The following PRKCH variants were observed in gnomAD, a reference collection of about 807,000 sequenced individuals.
The protein encoded by PRKCH is protein kinase C eta, also known as protein kinase C eta type.
In PRKCH, 28 loss-of-function variants were observed where a neutral mutation model predicts 82.5. That is an observed-to-expected ratio of 0.34 (90% CI 0.25 to 0.47). The LOEUF is 0.47. Ranked by LOEUF, PRKCH falls within the 20% of genes least tolerant of loss-of-function variation. PRKCH has a pLI of 1.00. For missense variants in PRKCH, 705 were observed against 881.8 expected, an observed-to-expected ratio of 0.80 and a Z score of 2.54; for synonymous variants, 322 against 327.4, an observed-to-expected ratio of 0.98 and a Z score of 0.18.
At chr14:61,312,239 T>C (rs548454778) in intron 1 of PRKCH, among the ~76,000 whole-genome samples, 1 of 152,354 alleles carries the variant, frequency 6.6e-6, no homozygotes, top group East Asian at 1.9e-4. Context: ...TCAAAACAAA[T>C]GATTCTTGTG....
intron 1 of PRKCH, among the ~76,000 whole-genome samples, chr14:61,267,921 C>T (rs1260036248): frequency 5.9e-5 from 9 of 151,964 alleles, no homozygotes; most frequent in Admixed American, 2.0e-4. Flanking sequence ...TAAAAGGGTG[C>T]TTTTATATTT....
chr14:61,356,211 G>A (rs369719329), intron 1 of PRKCH, among the ~76,000 whole-genome samples: 1 of 152,180 alleles, frequency 6.6e-6, no homozygotes, highest in Non-Finnish European at 1.5e-5. Context: ...CTGCCTGGTC[G>A]AGTGCAGTGG....
chr14:61,372,203 C>T (rs895624128), intron 1 of PRKCH, among the ~76,000 whole-genome samples: 2 of 152,000 alleles, frequency 1.3e-5, no homozygotes, highest in Admixed American at 1.3e-4. Flanking sequence ...ACCCTGGTTC[C>T]TTTTGTTGGA....
At chr14:61,526,749 G>A (rs1480315311) in intron 10 of PRKCH, among the ~76,000 whole-genome samples, 2 of 152,226 alleles carry the variant, frequency 1.3e-5, no homozygotes, top group East Asian at 3.8e-4. Context: ...ACTCCAGAAA[G>A]AGCAGTCAGC....
intron 2 of PRKCH, among the ~76,000 whole-genome samples, chr14:61,407,762 T>G (rs761670821): frequency 6.6e-6 from 1 of 152,264 alleles, no homozygotes; most frequent in Non-Finnish European, 1.5e-5. Context: ...TTGTCTGATA[T>G]GCAGAATATT....
At chr14:61,447,717 A>C (rs963721293) in intron 4 of PRKCH, among the ~76,000 whole-genome samples, 4 of 152,248 alleles carry the variant, frequency 2.6e-5, no homozygotes, top group African/African-American at 9.6e-5. Context: ...AAGACTCAAG[A>C]GAACATAAAA....
chr14:61,453,268 C>T lies in PRKCH; in HGVS notation c.875C>T (p.Ala292Val). 2 of 1,614,178 alleles carry T rather than the reference C, an allele frequency of 1.2e-6. No homozygotes were observed. The highest frequency in any genetic ancestry group is 1.7e-6 in the Non-Finnish European group (2 of 1,180,026). ...CATATTCGATGTCAAGCGAACGTGG[C>T]CCCTAACTGTGGGGTAAATGCGGTG... Reference protein sequence around the residue: ...NVHIRCQANVAPNCGVNAVEL... With the variant: ...NVHIRCQANVVPNCGVNAVEL... Residue 292 changes from alanine to valine, a missense_variant, in exon 7 of 14, where the codon GCC (alanine) becomes GTC (valine). Ala to Val is a moderately conservative substitution (Grantham distance 64). This residue lies in a region of PRKCH where 238 missense variants were observed against 258.1 expected (regional missense o/e 0.92). Transcript: ENST00000332981.
At chr14:61,367,737 A>C (rs1338935839) in intron 1 of PRKCH, among the ~76,000 whole-genome samples, 1 of 140,120 alleles carries the variant, frequency 7.1e-6, no homozygotes, top group Non-Finnish European at 1.5e-5. Flanking sequence ...TTTTTTTTTA[A>C]ACAGTCTCGC....
Position 61,395,916 on chromosome 14 carries a change from CA to C in PRKCH, c.427+4634del, listed in dbSNP as rs556670855. Among the ~76,000 whole-genome samples the C allele has an allele frequency of 1.9e-3, 282 of 151,954 alleles. 2 individuals carry two copies. Among genetic ancestry groups the C allele is most frequent in the African/African-American group, 6.5e-3 (271 of 41,462 alleles). ...GCAACATGGTGAAACACCATCTCTA[CA>C]AAAAATACAAAAATTAACCAGGTGT... is the stretch of plus-strand genomic sequence containing the variant. On this transcript the variant is annotated intron_variant, in intron 2 of 13. Transcript: ENST00000332981.
Position 61,312,828 on chromosome 14 carries a change from A to G in PRKCH, c.-19+125160A>G, listed in dbSNP as rs113099251. On this transcript the variant is annotated intron_variant, in intron 1 of 3. Coordinates refer to the PRKCH transcript ENST00000555185. Reference sequence around the variant, plus strand: ...GTGGGGATTATGGGAGCTACAATTCAAGACGCGATCTGGGTGGCACACAGC... The same window carrying G: ...GTGGGGATTATGGGAGCTACAATTCGAGACGCGATCTGGGTGGCACACAGC... Among the ~76,000 whole-genome samples the G allele has an allele frequency of 2.8e-3, 419 of 152,176 alleles. 3 individuals are homozygous for G. Among genetic ancestry groups the G allele is most frequent in the African/African-American group, 9.8e-3 (408 of 41,506 alleles).
chr14:61,451,287 G>GA (rs1884498189), intron 6 of PRKCH, among the ~76,000 whole-genome samples: 1 of 151,972 alleles, frequency 6.6e-6, no homozygotes, highest in African/African-American at 2.4e-5. Context: ...ATCTTAGTCA[G>GA]AAATGGAAGA....
At chr14:61,390,228 G>T (rs1358583156) in intron 1 of PRKCH, among the ~76,000 whole-genome samples, 1 of 152,208 alleles carries the variant, frequency 6.6e-6, no homozygotes, top group Non-Finnish European at 1.5e-5. Context: ...CATCCTGGGC[G>T]CCATGCTGTA....
chr14:61,279,866 G>A (rs2140091486), intron 1 of PRKCH: 1 of 556,544 alleles, frequency 1.8e-6, no homozygotes, highest in Non-Finnish European at 3.2e-6. Context: ...GAGGTGGGAA[G>A]AGTTTGCAAG....
chr14:61,505,395 C>CTTTTCTTTTTTTTTTTTTTTT (rs762878496), intron 10 of PRKCH, among the ~76,000 whole-genome samples: 2 of 55,738 alleles, frequency 3.6e-5, no homozygotes, highest in Non-Finnish European at 6.4e-5. Context: ...CTTTTCTTTT[C>CTTTTCTTTTTTTTTTTTTTTT]TTTTTTTTTT....
At chr14:61,449,467 T>C (rs1452969835) in intron 5 of PRKCH, among the ~76,000 whole-genome samples, 1 of 152,182 alleles carries the variant, frequency 6.6e-6, no homozygotes, top group African/African-American at 2.4e-5. Context: ...TTTTAAATTA[T>C]GGCATTTATA....
At chr14:61,530,182 A>C (rs1299176787) in intron 11 of PRKCH, among the ~76,000 whole-genome samples, 1 of 152,146 alleles carries the variant, frequency 6.6e-6, no homozygotes, top group Admixed American at 6.5e-5. Context: ...ACAGTGGCCC[A>C]ATCAGGCCAT....
chr14:61,216,097 T>C (rs57659404), intron 1 of PRKCH, among the ~76,000 whole-genome samples: 6,425 of 152,238 alleles, frequency 0.042, 312 homozygotes, highest in African/African-American at 0.12. Context: ...GCATTTCTCT[T>C]TACATTTATT....
chr14:61,423,473 C>G (rs530526904), intron 2 of PRKCH, among the ~76,000 whole-genome samples: 1 of 152,268 alleles, frequency 6.6e-6, no homozygotes, highest in East Asian at 1.9e-4. Flanking sequence ...GATGCAGTGA[C>G]TGAGTAAGAA....
chr14:61,366,716 C>T (rs2046300716), intron 1 of PRKCH, among the ~76,000 whole-genome samples: 1 of 152,100 alleles, frequency 6.6e-6, no homozygotes, highest in African/African-American at 2.4e-5. Context: ...TAATGTGAAA[C>T]CTTTTCATAC....
Sources: allele counts gnomAD v4.1 joint callset (sites outside exome capture counted in the v4.1 genomes callset), GRCh38; gene constraint gnomAD v4.1.1; regional missense constraint gnomAD v4.1.1; transcripts MANE v1.5; gene names NCBI Gene and HGNC (gene_info 2026-07-23, HGNC 2026-07-21).